C5: variants seen among roughly 807,000 people sequenced by gnomAD.
The protein encoded by C5 is complement C5, also known as C3 and PZP-like alpha-2-macroglobulin domain-containing protein 4.
In C5, 140 loss-of-function variants were observed where a neutral mutation model predicts 218.8. The ratio of observed to expected loss-of-function variants is 0.64; its 90% CI spans 0.56 to 0.74. The LOEUF is 0.74. C5 is among the 30% of genes least tolerant of loss of function. The probability of loss-of-function intolerance (pLI) is 0.00; values close to 1 mark genes in which losing one functional copy is unlikely to be tolerated. For missense variants in C5, 1,700 were observed against 1,969.6 expected (o/e 0.86, Z 2.59); for synonymous variants, 614 against 682.3 (o/e 0.90, Z 1.56).
intron 17 of C5, among the ~76,000 whole-genome samples, chr9:121,010,549 A>G (rs2047253055): frequency 6.6e-6 from 1 of 152,156 alleles, no homozygotes. Flanking sequence ...TATTGTTAAA[A>G]CGCCTTAATA....
intron 17 of C5, among the ~76,000 whole-genome samples, chr9:121,012,429 G>C (rs1587977868): frequency 6.6e-6 from 1 of 152,092 alleles, no homozygotes; most frequent in Admixed American, 6.6e-5. Flanking sequence ...CAGGAGAATT[G>C]CTTGAACCCG....
chr9:121,013,317 TGA>T (rs2047278378), intron 17 of C5, among the ~76,000 whole-genome samples: 1 of 89,316 alleles, frequency 1.1e-5, no homozygotes. Context: ...AGATTCCTAC[TGA>T]AAAAAAAAAA....
chr9:121,003,578 C>A (rs866920524), intron 20 of C5, among the ~76,000 whole-genome samples: 1 of 152,056 alleles, frequency 6.6e-6, no homozygotes, highest in South Asian at 2.1e-4. Flanking sequence ...TCAATGAGGA[C>A]TGATTTTTCC....
At position 121,014,018 on chromosome 9, in the gene C5, G is replaced by A. The variant is rs756850474; in HGVS notation, c.2112C>T (p.Cys704=). 9 of 1,613,996 alleles carry A rather than the reference G, an allele frequency of 5.6e-6. No individual in the cohort carries two copies. The highest frequency in any genetic ancestry group is 3.3e-5 in the South Asian group (3 of 91,092). The change falls in exon 17 of 41, where the codon TGC becomes TGT. Residue 704 remains cysteine, a synonymous_variant. Transcript: ENST00000223642. The part of the protein sequence containing the change: ...VVKKCCYDGA[C]VNNDETCEQR... ...GCTCACAGGTTTCATCATTATTAAC[G>A]CAGGCTCCATCGTAACAACATTTCT...
At chr9:121,046,153 G>C in intron 2 of C5, 38 bp downstream of exon 2, 2 of 1,028,810 alleles carry the variant, frequency 1.9e-6, no homozygotes, top group Non-Finnish European at 2.9e-6. Flanking sequence ...AGAATATTCT[G>C]TATATATATA....
intron 25 of C5, among the ~76,000 whole-genome samples, chr9:120,983,333 T>C (rs2047008963): frequency 6.6e-6 from 1 of 152,154 alleles, no homozygotes; most frequent in Non-Finnish European, 1.5e-5. Flanking sequence ...ATGATCATTA[T>C]TACTTAGTCA....
In C5 at chr9:120,997,683, C is replaced by A; in HGVS notation, c.2654G>T (p.Arg885Leu). The change falls in exon 21 of 41, where the codon CGC becomes CTC. Residue 885 changes from arginine to leucine, a missense_variant. Transcript: ENST00000223642. ...HQGTKSSKCV[R>L]QKVEGSSSHL... is the part of the protein sequence containing the mutation. ...ACTGGAGGAGCCCTCTACTTTCTGGCGCACACATTTGGAGGACTTTGTGCC... is the reference window on the plus strand; with the variant it reads ...ACTGGAGGAGCCCTCTACTTTCTGGAGCACACATTTGGAGGACTTTGTGCC... 1 of 1,614,102 alleles carries A rather than the reference C, an allele frequency of 6.2e-7. No individual in the cohort carries two copies. The highest frequency in any genetic ancestry group is 8.5e-7 in the Non-Finnish European group (1 of 1,179,996).
At chr9:120,990,947 A>G (rs1378380993) in intron 23 of C5, among the ~76,000 whole-genome samples, 3 of 152,170 alleles carry the variant, frequency 2.0e-5, no homozygotes, top group Admixed American at 6.5e-5. Flanking sequence ...TGAGCCAATG[A>G]CAGTCCCTAC....
rs1358290919 is a variant in C5 at position 121,023,584 on chromosome 9, T to C, written c.1001-65A>G. On this transcript the variant is annotated intron_variant, in intron 9 of 40. Transcript: ENST00000223642. Reference sequence around the variant, plus strand: ...GTATCATGATCTGTATGGATATCCATTTCATCTCTATATGTCTCCACAGAC... The same window carrying C: ...GTATCATGATCTGTATGGATATCCACTTCATCTCTATATGTCTCCACAGAC... The C allele has an allele frequency of 1.0e-5, 9 of 879,282 alleles. No homozygotes were observed. The East Asian group carries it at 1.9e-4, about 19-fold the overall frequency. 54.5% of individuals were successfully genotyped at this position (879,282 alleles called of 1,614,324 possible). A position where few individuals can be genotyped will look rare whatever the true frequency, so the allele number is the denominator to read the frequency against.
chr9:120,987,819 G>A (rs2047044993), intron 25 of C5, among the ~76,000 whole-genome samples: 1 of 151,914 alleles, frequency 6.6e-6, no homozygotes, highest in Non-Finnish European at 1.5e-5. Flanking sequence ...TTGAGACAGA[G>A]TCTCACTCTG....
the C5 span, among the ~76,000 whole-genome samples, chr9:121,065,576 G>A: frequency 6.6e-6 from 1 of 152,080 alleles, no homozygotes; most frequent in Non-Finnish European, 1.5e-5. Context: ...CTGCAGCCTC[G>A]AATCGCTCAA....
At position 120,991,278 on chromosome 9, in the gene C5, T is replaced by G. The variant is rs748440001; in HGVS notation, c.2854A>C (p.Thr952Pro). 6.3e-7 allele frequency: 1 copy of G among 1,590,034 alleles called. No homozygotes were observed. The highest frequency in any genetic ancestry group is 8.6e-7 in the Non-Finnish European group (1 of 1,158,146). ...GGGAACTCCTTTCGTCTGCTAATGG[T>G]ACCTGTAATTTAGAAAATTTGGATT... is the stretch of plus-strand genomic sequence containing the variant. ...VTLDPRGIYG[T>P]ISRRKEFPYR... Residue 952 changes from threonine (T) to proline (P), a missense_variant and splice_region_variant, in exon 23 of 41, where the codon ACC becomes CCC. Transcript: ENST00000223642.
the C5 span, among the ~76,000 whole-genome samples, chr9:121,063,503 A>T: frequency 0.12 from 18,217 of 152,088 alleles, 1,566 homozygotes; most frequent in African/African-American, 0.24. Flanking sequence ...GTCCATATCT[A>T]GGAGATCAAG....
the C5 span, among the ~76,000 whole-genome samples, chr9:121,066,300 A>G: frequency 7.5e-5 from 9 of 120,528 alleles, no homozygotes; most frequent in African/African-American, 2.5e-4. Context: ...CGACAGAGCG[A>G]GACTCCATCT....
chr9:120,996,215 T>C (rs763500961), intron 22 of C5, 25 bp downstream of exon 22: 4 of 1,521,728 alleles, frequency 2.6e-6, no homozygotes, highest in Non-Finnish European at 3.6e-6. Context: ...AGATAACATA[T>C]AAAATAAAAA....
intron 17 of C5, among the ~76,000 whole-genome samples, chr9:121,008,812 C>A (rs1167116199): frequency 6.6e-6 from 1 of 152,060 alleles, no homozygotes; most frequent in East Asian, 1.9e-4. Flanking sequence ...TGTCTATAGT[C>A]CCAGCTACTC....
intron 20 of C5, among the ~76,000 whole-genome samples, chr9:121,002,216 GTATATA>G (rs757615788): frequency 0.012 from 1,390 of 112,752 alleles, 22 homozygotes; most frequent in African/African-American, 0.036. Flanking sequence ...GTATATATAC[GTATATA>G]TATATATGTA....
At chr9:121,014,156 T>G in intron 16 of C5, 86 bp from the exon 17 acceptor site, 22 of 1,160,856 alleles carry the variant, frequency 1.9e-5, no homozygotes, top group Non-Finnish European at 2.5e-5. Flanking sequence ...ATACCTGGTT[T>G]CTGTTGCTAT....
chr9:120,961,769 T>A (rs2046829519), intron 36 of C5, among the ~76,000 whole-genome samples: 1 of 152,216 alleles, frequency 6.6e-6, no homozygotes, highest in Admixed American at 6.5e-5. Context: ...CCTTTTTCAC[T>A]TAGTTCTGTG....
Sources: gnomAD v4.1 joint callset for allele counts (sites outside exome capture counted in the v4.1 genomes callset) on GRCh38, gnomAD v4.1.1 for gene constraint, MANE v1.5 for transcripts, NCBI Gene and HGNC (gene_info 2026-07-23, HGNC 2026-07-21) for gene names.